DOCK8: variants seen among roughly 807,000 people sequenced by gnomAD.
DOCK8 encodes the protein dedicator of cytokinesis protein 8.
A neutral mutation model predicts 245.6 loss-of-function variants in DOCK8; 141 were observed. That is an observed-to-expected ratio of 0.57 (90% CI 0.50 to 0.66). The LOEUF is 0.66. DOCK8 is among the 30% of genes least tolerant of loss of function. DOCK8 has a pLI of 0.00. For missense variants in DOCK8, 2,965 were observed against 2,603.4 expected, an observed-to-expected ratio of 1.14 and a Z score of -3.02; for synonymous variants, 1,168 against 970.2, an observed-to-expected ratio of 1.20 and a Z score of -3.79.
chr9:345,441 G>GC lies in DOCK8; in HGVS notation c.1679+5126dup, dbSNP rs1248915543. 7.2e-5 allele frequency among the ~76,000 whole-genome samples: 11 copies of GC among 152,160 alleles called. 1 individual carries two copies. Among genetic ancestry groups the GC allele is most frequent in the African/African-American group, 2.2e-4 (9 of 41,444 alleles). On this transcript the variant is annotated intron_variant, in intron 14 of 47. Coordinates refer to ENST00000432829, the MANE Select transcript of DOCK8 (RefSeq NM_203447.4). The stretch of plus-strand genomic sequence containing the variant: ...ATGTGCCCTTAACATAAACTGCAGA[G>GC]CCCCCCTGGGTGGAGGGAACTATTA...
intron 1 of DOCK8, among the ~76,000 whole-genome samples, chr9:225,417 G>A (rs2046969857): frequency 6.6e-6 from 1 of 152,176 alleles, no homozygotes; most frequent in Non-Finnish European, 1.5e-5. Context: ...GATTCCAGGG[G>A]AGGAGTGAGG....
chr9:398,844 A>T (rs1346426818), intron 25 of DOCK8, among the ~76,000 whole-genome samples: 1 of 152,224 alleles, frequency 6.6e-6, no homozygotes, highest in Non-Finnish European at 1.5e-5. Context: ...ATATAAAAAA[A>T]AGTAGGATCC....
Position 451,821 on chromosome 9 carries a change from C to T in DOCK8, c.5962-190C>T, listed in dbSNP as rs529277335. The stretch of plus-strand genomic sequence containing the variant: ...AGTCACTCCAATATTTTCTCCCAAG[C>T]AATTTAATTTCCTTCATATATGTAT... On this transcript the variant is annotated intron_variant, in intron 45 of 47. Coordinates refer to ENST00000432829, the MANE Select transcript of DOCK8 (RefSeq NM_203447.4). Among the ~76,000 whole-genome samples the T allele has an allele frequency of 1.0e-4, 15 of 149,796 alleles. No homozygotes were observed. The South Asian group carries it at 3.2e-3, about 32-fold the overall frequency.
intron 4 of DOCK8, among the ~76,000 whole-genome samples, chr9:291,721 A>C (rs937004888): frequency 4.6e-5 from 7 of 151,746 alleles, no homozygotes; most frequent in African/African-American, 1.7e-4. Context: ...CTACAAGAGG[A>C]ATTTCTATGT....
At chr9:443,574 CAAG>C (rs1421870656) in intron 43 of DOCK8, 58 bp downstream of exon 43, 2 of 1,328,306 alleles carry the variant, frequency 1.5e-6, no homozygotes, top group Non-Finnish European at 2.2e-6. Context: ...GTTCTCTACC[CAAG>C]AATACCTAAT....
At chr9:244,594 C>T (rs1292799780) in intron 1 of DOCK8, among the ~76,000 whole-genome samples, 1 of 152,086 alleles carries the variant, frequency 6.6e-6, no homozygotes, top group Non-Finnish European at 1.5e-5. Flanking sequence ...TTTTGCTCAC[C>T]TTTGAATTTT....
At chr9:392,549 C>T (rs2054247167) in intron 24 of DOCK8, among the ~76,000 whole-genome samples, 1 of 152,224 alleles carries the variant, frequency 6.6e-6, no homozygotes, top group Non-Finnish European at 1.5e-5. Context: ...TACCTGTCTT[C>T]TCAGGTGACT....
intron 38 of DOCK8, 104 bp from the exon 39 acceptor site, chr9:434,679 C>A: frequency 1.7e-6 from 2 of 1,208,198 alleles, no homozygotes; most frequent in South Asian, 1.3e-5. Context: ...TGGAGGGGTA[C>A]AGGGAACTCT....
At chr9:406,148 C>T (rs1448253034) in intron 27 of DOCK8, among the ~76,000 whole-genome samples, 1 of 152,208 alleles carries the variant, frequency 6.6e-6, no homozygotes, top group East Asian at 1.9e-4. Context: ...CCTGACATCA[C>T]TTGTAGTTCC....
intron 29 of DOCK8, among the ~76,000 whole-genome samples, 174 bp downstream of exon 29, chr9:415,125 A>G (rs1460630412): frequency 2.0e-5 from 3 of 152,182 alleles, no homozygotes; most frequent in African/African-American, 4.8e-5. Context: ...AAAAACAAAA[A>G]AAGTCACATA....
At chr9:303,603 G>A (rs999605361) in intron 4 of DOCK8, among the ~76,000 whole-genome samples, 4 of 152,168 alleles carry the variant, frequency 2.6e-5, no homozygotes, top group African/African-American at 9.7e-5. Context: ...GTAAACATGG[G>A]CATAAAGATA....
At chr9:413,340 G>A (rs2055835437) in intron 28 of DOCK8, among the ~76,000 whole-genome samples, 1 of 152,082 alleles carries the variant, frequency 6.6e-6, no homozygotes, top group South Asian at 2.1e-4. Flanking sequence ...CATAGACTTA[G>A]AAAAGGCAGT....
chr9:419,998 A>G (rs2056207781), intron 30 of DOCK8: 1 of 295,786 alleles, frequency 3.4e-6, no homozygotes, highest in Non-Finnish European at 6.6e-6. Flanking sequence ...CTGTAAGTCT[A>G]ACCCTCTGCT....
intron 1 of DOCK8, among the ~76,000 whole-genome samples, chr9:217,318 G>T (rs2046778606): frequency 1.3e-5 from 2 of 152,180 alleles, no homozygotes; most frequent in Admixed American, 1.3e-4. Flanking sequence ...GAAAGCTGAA[G>T]TTGGAGAGCT....
chr9:305,771 G>A (rs577561513), intron 5 of DOCK8, among the ~76,000 whole-genome samples: 5 of 152,172 alleles, frequency 3.3e-5, no homozygotes, highest in African/African-American at 9.6e-5. Flanking sequence ...TGCATAAAAC[G>A]GCCAAAGAAC....
chr9:304,290 C>G (rs572556024), intron 4 of DOCK8, among the ~76,000 whole-genome samples: 14 of 152,260 alleles, frequency 9.2e-5, no homozygotes, highest in African/African-American at 3.1e-4. Context: ...AGCTTCAGCT[C>G]GGAGCCAAAT....
intron 1 of DOCK8, among the ~76,000 whole-genome samples, chr9:218,217 C>T (rs913109336): frequency 3.3e-5 from 5 of 152,020 alleles, no homozygotes; most frequent in African/African-American, 4.8e-5. Context: ...ATGTTTTTCA[C>T]CTTACTACTC....
intron 5 of DOCK8, among the ~76,000 whole-genome samples, chr9:307,214 G>A: frequency 6.6e-6 from 1 of 152,032 alleles, no homozygotes; most frequent in East Asian, 1.9e-4. Flanking sequence ...AAAGAACAAG[G>A]CATAAAAGGG....
intron 1 of DOCK8, among the ~76,000 whole-genome samples, chr9:264,224 T>C (rs1372933972): frequency 6.6e-6 from 1 of 152,224 alleles, no homozygotes; most frequent in African/African-American, 2.4e-5. Flanking sequence ...TGATGACATA[T>C]AAAAGCTGGG....
Sources: allele counts gnomAD v4.1 joint callset (sites outside exome capture counted in the v4.1 genomes callset), GRCh38; gene constraint gnomAD v4.1.1; transcripts MANE v1.5; gene names NCBI Gene and HGNC (gene_info 2026-07-23, HGNC 2026-07-21).